Variants in MICU3 observed in about 807,000 individuals in gnomAD.
MICU3 encodes calcium uptake protein 3, mitochondrial.
In MICU3, 62 loss-of-function variants were observed where a neutral mutation model predicts 66.5. The observed-to-expected ratio is 0.93, with a 90% CI of 0.76 to 1.15. The LOEUF is 1.15. Ranked by LOEUF, MICU3 falls within the 50% of genes most tolerant of loss-of-function variation. The pLI, the probability that MICU3 is intolerant of heterozygous loss-of-function variation, is 0.00. For missense variants in MICU3, 779 were observed against 664.4 expected (o/e 1.17, Z -1.90); for synonymous variants, 308 against 240.7 (o/e 1.28, Z -2.59).
chr8:17,134,686 C>T, the MICU3 span, among the ~76,000 whole-genome samples: 44 of 152,226 alleles, frequency 2.9e-4, no homozygotes, highest in Non-Finnish European at 4.6e-4. Flanking sequence ...CCTCGTGATC[C>T]GCCCGCCTTG....
chr8:17,103,602 G>A (rs1315965689), intron 9 of MICU3, among the ~76,000 whole-genome samples: 1 of 149,110 alleles, frequency 6.7e-6, no homozygotes, highest in Non-Finnish European at 1.5e-5. Flanking sequence ...GGAAGGAAGG[G>A]AAGGAGAGAA....
intron 1 of MICU3, among the ~76,000 whole-genome samples, chr8:17,042,888 G>C (rs1256976860): frequency 6.7e-6 from 1 of 149,920 alleles, no homozygotes; most frequent in Non-Finnish European, 1.5e-5. Flanking sequence ...TTCCTCAAAG[G>C]GTTATAATAG....
the MICU3 span, among the ~76,000 whole-genome samples, chr8:17,136,459 T>G: frequency 2.7e-4 from 41 of 152,176 alleles, no homozygotes; most frequent in African/African-American, 9.9e-4. Flanking sequence ...GCTCCACATA[T>G]GGGTTTTAAT....
intron 1 of MICU3, among the ~76,000 whole-genome samples, chr8:17,040,952 G>GA (rs1240884885): frequency 1.3e-5 from 2 of 152,134 alleles, no homozygotes; most frequent in Non-Finnish European, 1.5e-5. Flanking sequence ...GCCTTCAGGA[G>GA]AAAAAACAGG....
At chr8:17,093,357 A>G (rs1463878371) in intron 8 of MICU3, among the ~76,000 whole-genome samples, 3 of 152,004 alleles carry the variant, frequency 2.0e-5, no homozygotes, top group Non-Finnish European at 4.4e-5. Context: ...CAGTTTTTAT[A>G]CCAATTCTTT....
At chr8:17,076,158 G>A (rs920607156) in intron 3 of MICU3, among the ~76,000 whole-genome samples, 44 of 151,984 alleles carry the variant, frequency 2.9e-4, no homozygotes, top group African/African-American at 9.7e-4. Context: ...TCCTGAGTAA[G>A]CTGGGACTAT....
chr8:17,073,442 T>A (rs1355268273), intron 3 of MICU3, among the ~76,000 whole-genome samples: 1 of 151,606 alleles, frequency 6.6e-6, no homozygotes, highest in Non-Finnish European at 1.5e-5. Flanking sequence ...TATGTCACTG[T>A]CTCCCATCAC....
rs144530752 is a variant in MICU3, at chr8:17,072,176, T to C, written c.567+2457T>C. On this transcript the variant is annotated intron_variant, in intron 3 of 14. Transcript: ENST00000318063. The stretch of plus-strand genomic sequence containing the variant: ...AGAAATAGAGCTATAATAAATAAAG[T>C]AGTATTACATCATTGCAAGGATATT... Among the ~76,000 whole-genome samples the C allele has an allele frequency of 8.6e-3, 1,308 of 152,134 alleles. 15 individuals are homozygous for C. The highest frequency in any genetic ancestry group is 0.017 in the Middle Eastern group (5 of 294).
intron 8 of MICU3, among the ~76,000 whole-genome samples, chr8:17,097,140 C>G (rs546542100): frequency 6.6e-6 from 1 of 151,662 alleles, no homozygotes; most frequent in African/African-American, 2.4e-5. Flanking sequence ...CACATATTAA[C>G]CTTCTGAGTT....
Position 17,116,524 on chromosome 8 carries a change from AT to A in MICU3, c.1449del (p.Asp483GlufsTer8). 6.4e-7 allele frequency: 1 copy of A among 1,572,506 alleles called. No individual in the cohort carries two copies. Among genetic ancestry groups the A allele is most frequent in the Non-Finnish European group, 8.6e-7 (1 of 1,165,108 alleles). ...GTGAACACTGTCTTCAAGATTTTTG[AT>A]GTTGACAAAGATGATCAATTAAGTT... is the stretch of plus-strand genomic sequence containing the variant. ...HLVNTVFKIFDVDKDDQLSYK... is the reference protein window; with the variant it reads ...HLVNTVFKIFXVDKDDQLSYK... On this transcript the variant is annotated frameshift_variant, in exon 13 of 15. Coordinates refer to ENST00000318063, the MANE Select transcript of MICU3 (RefSeq NM_181723.3). LOFTEE classifies it high-confidence loss of function.
chr8:17,037,198 C>T (rs570730582), intron 1 of MICU3, among the ~76,000 whole-genome samples: 1 of 152,320 alleles, frequency 6.6e-6, no homozygotes, highest in African/African-American at 2.4e-5. Flanking sequence ...TCGCGCCTCT[C>T]CCTCCATACC....
chr8:17,116,330 A>T (rs1247807664), intron 12 of MICU3, 113 bp from the exon 13 acceptor site: 3 of 645,504 alleles, frequency 4.6e-6, no homozygotes. Flanking sequence ...GCCATGTTGC[A>T]TAAGATCATG....
downstream of MICU3, among the ~76,000 whole-genome samples, chr8:17,123,012 C>A (rs980001224): frequency 4.0e-5 from 6 of 151,822 alleles, no homozygotes; most frequent in Non-Finnish European, 5.9e-5. Context: ...TACTTATAGC[C>A]ATATAGTAAA....
In MICU3 at chr8:17,085,227, T is replaced by C; in HGVS notation, c.695-9T>C. On this transcript the variant is annotated splice_polypyrimidine_tract_variant and intron_variant, in intron 5 of 14. Coordinates refer to ENST00000318063, the MANE Select transcript of MICU3 (RefSeq NM_181723.3). ...ATTTTGTGAATACCTTCTCTGTTTT[T>C]TCTGGCAGAGCCACATGCAGGGTTC... 1 of 1,592,106 alleles carries C rather than the reference T, an allele frequency of 6.3e-7. No homozygotes were observed. The highest frequency in any genetic ancestry group is 1.1e-5 in the South Asian group (1 of 87,646).
At position 17,066,515 on chromosome 8, in the gene MICU3, ATC is replaced by A. The variant is rs1384446541; in HGVS notation, c.535+2280_535+2281del. The stretch of plus-strand genomic sequence containing the variant: ...GCTATTCTTTAAGTGATTGTTAATA[ATC>A]TATATATATATATATATATATATAG... On this transcript the variant is annotated intron_variant, in intron 2 of 14. Transcript: ENST00000318063. Among the ~76,000 whole-genome samples, 354 of 63,982 alleles carry A rather than the reference ATC, an allele frequency of 5.5e-3. 4 individuals are homozygous for A. Among genetic ancestry groups the A allele is most frequent in the African/African-American group, 0.016 (324 of 20,710 alleles). 42.0% of individuals were successfully genotyped at this position (63,982 alleles called of 152,430 possible).
intron 1 of MICU3, among the ~76,000 whole-genome samples, chr8:17,040,065 G>A (rs1239540941): frequency 6.6e-6 from 1 of 151,802 alleles, no homozygotes; most frequent in South Asian, 2.1e-4. Flanking sequence ...GCGCCAGCAC[G>A]CCTGGCTAAT....
At chr8:17,101,103 A>G in intron 9 of MICU3, among the ~76,000 whole-genome samples, 1 of 151,830 alleles carries the variant, frequency 6.6e-6, no homozygotes, top group Non-Finnish European at 1.5e-5. Flanking sequence ...AAACCCTTTA[A>G]TAGTTTGATA....
the MICU3 span, among the ~76,000 whole-genome samples, chr8:17,128,233 C>G: frequency 2.9e-4 from 29 of 99,404 alleles, no homozygotes; most frequent in African/African-American, 2.0e-3. Context: ...TCAGTGTACA[C>G]ACACACACAC....
intron 11 of MICU3, among the ~76,000 whole-genome samples, chr8:17,107,722 A>T (rs1419842333): frequency 1.3e-5 from 2 of 152,204 alleles, no homozygotes; most frequent in Non-Finnish European, 2.9e-5. Context: ...AAATGAAAAT[A>T]TTGACTCTCT....
Sources: gnomAD v4.1 joint callset for allele counts (sites outside exome capture counted in the v4.1 genomes callset) on GRCh38, gnomAD v4.1.1 for gene constraint, MANE v1.5 for transcripts, NCBI Gene and HGNC (gene_info 2026-07-23, HGNC 2026-07-21) for gene names.